Variants in HSDL2 observed in about 807,000 individuals in gnomAD.
The protein encoded by HSDL2 is hydroxysteroid dehydrogenase like 2.
Under a neutral mutation model 46.3 loss-of-function variants are expected in HSDL2, and 27 were observed. The observed-to-expected ratio is 0.58, with a 90% CI of 0.43 to 0.80. HSDL2 has a LOEUF of 0.80. Among genes scored for constraint, HSDL2 ranks in the 30% least tolerant of loss-of-function variants. HSDL2 has a pLI of 0.00. For synonymous variants in HSDL2, 153 were observed against 163.6 expected (o/e 0.94, Z 0.50); for missense variants, 451 against 502.7 (o/e 0.90, Z 0.98).
intron 4 of HSDL2, among the ~76,000 whole-genome samples, chr9:112,415,975 G>A (rs1831982141): frequency 6.6e-6 from 1 of 152,084 alleles, no homozygotes; most frequent in South Asian, 2.1e-4. Flanking sequence ...GGACGTGGTG[G>A]CGGGCGCCTT....
intron 9 of HSDL2, 28 bp downstream of exon 9, chr9:112,454,190 T>G: frequency 1.3e-6 from 2 of 1,585,530 alleles, no homozygotes; most frequent in Non-Finnish European, 1.7e-6. Flanking sequence ...TAATCTGAAG[T>G]TTTTATGAAA....
Position 112,470,712 on chromosome 9 carries a change from C to T in HSDL2, c.*168C>T. On this transcript the variant is annotated 3_prime_UTR_variant, in exon 11 of 11. Coordinates refer to ENST00000398805, the MANE Select transcript of HSDL2 (RefSeq NM_032303.5). Reference sequence around the variant, plus strand: ...AGACTTGAAATTGTAATTAAAATGGCAAGCTAATCAAACATAAGCTTCATT... The same window carrying T: ...AGACTTGAAATTGTAATTAAAATGGTAAGCTAATCAAACATAAGCTTCATT... 1 of 498,072 alleles carries T rather than the reference C, an allele frequency of 2.0e-6. No homozygotes were observed. The highest frequency in any genetic ancestry group is 3.5e-6 in the Non-Finnish European group (1 of 282,328). The allele number at this position is 498,072 out of a possible 1,614,324, so 30.9% of individuals were successfully genotyped here.
At position 112,404,036 on chromosome 9, in the gene HSDL2, G is replaced by A. The variant is rs370800538; in HGVS notation, c.59G>A (p.Arg20His). ...ACAGTTTTTATCACAGGTGCAAGCC[G>A]TGGCATTGGCAAAGCTATTGCATTG... The part of the protein sequence containing the change: ...GCTVFITGAS[R>H]GIGKAIALKA... The change falls in exon 2 of 11, where the codon CGT becomes CAT. Residue 20 changes from arginine (R) to histidine (H), a missense_variant. Physicochemically the swap from Arg to His is conservative, Grantham distance 29. Transcript: ENST00000398805. 16 of 1,614,032 alleles carry A rather than the reference G, an allele frequency of 9.9e-6. No homozygotes were observed. Among genetic ancestry groups the A allele is most frequent in the African/African-American group, 6.7e-5 (5 of 74,924 alleles).
chr9:112,447,880 T>C (rs1832787417), intron 8 of HSDL2, among the ~76,000 whole-genome samples: 1 of 152,186 alleles, frequency 6.6e-6, no homozygotes, highest in Non-Finnish European at 1.5e-5. Context: ...AAATTAACTT[T>C]TGTATGTTCT....
At chr9:112,416,418 C>T (rs1463157877) in intron 4 of HSDL2, among the ~76,000 whole-genome samples, 1 of 148,896 alleles carries the variant, frequency 6.7e-6, no homozygotes, top group African/African-American at 2.5e-5. Flanking sequence ...ACAGAGAGAC[C>T]CTGTCTTAAA....
intron 9 of HSDL2, among the ~76,000 whole-genome samples, chr9:112,458,623 G>A (rs906545189): frequency 3.3e-5 from 5 of 151,796 alleles, no homozygotes; most frequent in Admixed American, 2.6e-4. Flanking sequence ...CACCATGCTC[G>A]GCCTATTTTA....
At chr9:112,414,182 G>T (rs1282425573) in intron 4 of HSDL2, 1 of 153,202 alleles carries the variant, frequency 6.5e-6, no homozygotes, top group African/African-American at 2.4e-5. Flanking sequence ...ATGGCTAGCA[G>T]ATATTTAAGA....
At chr9:112,392,201 G>C (rs1053758096) in intron 1 of HSDL2, among the ~76,000 whole-genome samples, 4 of 152,168 alleles carry the variant, frequency 2.6e-5, no homozygotes, top group African/African-American at 4.8e-5. Context: ...GCTTCAAAGG[G>C]TGAAAAGCAG....
intron 1 of HSDL2, among the ~76,000 whole-genome samples, chr9:112,402,109 T>A (rs1831615069): frequency 6.6e-6 from 1 of 152,224 alleles, no homozygotes; most frequent in African/African-American, 2.4e-5. Flanking sequence ...TTGTCACTTT[T>A]GCTCTTCTTT....
chr9:112,438,688 A>G (rs190426674), intron 7 of HSDL2, 63 bp downstream of exon 7: 6 of 981,756 alleles, frequency 6.1e-6, no homozygotes, highest in Non-Finnish European at 9.0e-6. Flanking sequence ...CAATGAACAT[A>G]TCTGTTTTTT....
chr9:112,421,928 C>T (rs72760160), intron 6 of HSDL2, among the ~76,000 whole-genome samples: 1 of 152,140 alleles, frequency 6.6e-6, no homozygotes, highest in Non-Finnish European at 1.5e-5. Flanking sequence ...AAAGACTGTT[C>T]TCTCTGAGCT....
At chr9:112,422,377 T>C (rs950218914) in intron 6 of HSDL2, among the ~76,000 whole-genome samples, 3 of 151,762 alleles carry the variant, frequency 2.0e-5, no homozygotes, top group African/African-American at 7.3e-5. Flanking sequence ...AAAGAAAAAA[T>C]ATCTCAATTT....
intron 10 of HSDL2, chr9:112,469,683 A>AG: frequency 6.6e-6 from 1 of 151,898 alleles, no homozygotes; most frequent in South Asian, 2.1e-4. Context: ...AAAAAAAAAA[A>AG]AAAAAAGGAA....
At chr9:112,458,906 G>A (rs192824005) in intron 9 of HSDL2, among the ~76,000 whole-genome samples, 13 of 151,886 alleles carry the variant, frequency 8.6e-5, no homozygotes, top group Admixed American at 2.0e-4. Flanking sequence ...GCATGAACCC[G>A]GGAGGCGGAG....
chr9:112,463,556 C>T (rs1833277596), intron 10 of HSDL2, among the ~76,000 whole-genome samples: 1 of 152,164 alleles, frequency 6.6e-6, no homozygotes. Context: ...TAAAATTGCT[C>T]CTTGCAGAGC....
At chr9:112,406,000 A>G (rs1831717846) in intron 3 of HSDL2, among the ~76,000 whole-genome samples, 1 of 151,996 alleles carries the variant, frequency 6.6e-6, no homozygotes, top group African/African-American at 2.4e-5. Context: ...GTCTCTACTA[A>G]AAATACAAAA....
chr9:112,388,543 C>G (rs1379739253), intron 1 of HSDL2, among the ~76,000 whole-genome samples: 1 of 149,534 alleles, frequency 6.7e-6, no homozygotes, highest in East Asian at 2.0e-4. Flanking sequence ...GTGGGTGGAT[C>G]ACAAGGTCAG....
chr9:112,469,368 C>T lies in HSDL2; in HGVS notation c.1145-1064C>T, dbSNP rs535849064. ...TTGTGCCTTCTAGAAGATATGTCAT[C>T]TATATCAATTAGCATAATGTAAGAC... On this transcript the variant is annotated intron_variant, in intron 10 of 10. Transcript: ENST00000398805. 7.2e-5 allele frequency among the ~76,000 whole-genome samples: 11 copies of T among 152,112 alleles called. No individual in the cohort carries two copies. The South Asian group carries it at 2.3e-3, about 32-fold the overall frequency.
At chr9:112,446,046 A>G (rs1198838797) in intron 8 of HSDL2, among the ~76,000 whole-genome samples, 1 of 152,026 alleles carries the variant, frequency 6.6e-6, no homozygotes, top group African/African-American at 2.4e-5. Context: ...TTAGTTTTAG[A>G]TATTTGCTCT....
Sources: gnomAD v4.1 joint callset for allele counts (sites outside exome capture counted in the v4.1 genomes callset) on GRCh38, gnomAD v4.1.1 for gene constraint, MANE v1.5 for transcripts, NCBI Gene and HGNC (gene_info 2026-07-23, HGNC 2026-07-21) for gene names.